Variants in RELL1 observed in about 807,000 individuals in gnomAD.
The protein encoded by RELL1 is RELT like 1, also known as RELT-like protein 1.
RELL1 carries 10 observed loss-of-function variants against 23.0 expected under a neutral mutation model. That is an observed-to-expected ratio of 0.43 (90% CI 0.27 to 0.74). The LOEUF is 0.74. RELL1 is among the 30% of genes least tolerant of loss of function. RELL1 has a pLI of 0.19. For missense variants in RELL1, 315 were observed against 364.4 expected (o/e 0.86, Z 1.10); for synonymous variants, 146 against 146.8 (o/e 0.99, Z 0.04).
rs991391704 is a variant in RELL1, at chr4:37,649,564, C to T, written c.89-64G>A. On this transcript the variant is annotated intron_variant, in intron 1 of 6. Transcript: ENST00000454158. The stretch of plus-strand genomic sequence containing the variant: ...CCAGGGCAAGAAAAACCTAATGACT[C>T]TCAGGTAATGTTCACAGTAAGTCAG... 1.9e-5 allele frequency: 27 copies of T among 1,422,076 alleles called. No individual in the cohort carries two copies. The African/African-American group carries it at 2.8e-4, about 15-fold the overall frequency. 88.1% of individuals were successfully genotyped at this position (1,422,076 alleles called of 1,614,324 possible). A position where few individuals can be genotyped will look rare whatever the true frequency, so the allele number is the denominator to read the frequency against.
chr4:37,602,730 T>C (rs193065591), intron 6 of RELL1, among the ~76,000 whole-genome samples: 19 of 152,308 alleles, frequency 1.2e-4, no homozygotes, highest in African/African-American at 4.3e-4. Context: ...ACAGATGGCA[T>C]TGAGGCTCAG....
In RELL1 at chr4:37,649,298, T is replaced by A; in HGVS notation, c.291A>T (p.Glu97Asp). 6.2e-7 allele frequency: 1 copy of A among 1,614,180 alleles called. No individual in the cohort carries two copies. The highest frequency in any genetic ancestry group is 8.5e-7 in the Non-Finnish European group (1 of 1,180,010). The change falls in exon 2 of 7, where the codon GAA becomes GAT. Residue 97 changes from glutamate to aspartate, a missense_variant. Glu to Asp is a conservative substitution (Grantham distance 45). Coordinates refer to ENST00000454158, the MANE Select transcript of RELL1 (RefSeq NM_001085400.2). ...RCTTEAEQDI[E>D]EEKVEKIELN... ...TACCTATCTTTTCAACCTTTTCCTC[T>A]TCGATATCTTGCTCTGCTTCTGTTG... is the stretch of plus-strand genomic sequence containing the variant.
At chr4:37,685,361 T>A (rs561543650) in intron 1 of RELL1, among the ~76,000 whole-genome samples, 5 of 152,016 alleles carry the variant, frequency 3.3e-5, no homozygotes, top group African/African-American at 1.2e-4. Context: ...ACTGCAGCTG[T>A]TAGGTGGCAA....
chr4:37,652,140 C>T (rs1427678881), intron 1 of RELL1, among the ~76,000 whole-genome samples: 2 of 152,148 alleles, frequency 1.3e-5, no homozygotes, highest in Non-Finnish European at 2.9e-5. Flanking sequence ...CAGCAGCAAA[C>T]AAACAATATC....
intron 6 of RELL1, among the ~76,000 whole-genome samples, chr4:37,593,269 T>A (rs958581175): frequency 1.3e-5 from 2 of 152,200 alleles, no homozygotes; most frequent in South Asian, 4.1e-4. Flanking sequence ...TATTTACCTC[T>A]TATGTAAAAG....
At chr4:37,613,466 T>TCCCAC (rs1401854432) in intron 6 of RELL1, 124 bp from the exon 7 acceptor site, 2 of 149,286 alleles carry the variant, frequency 1.3e-5, no homozygotes, top group African/African-American at 2.4e-5. Flanking sequence ...TCCCATCCCA[T>TCCCAC]CCCACCCCAT....
At chr4:37,679,289 A>T (rs1722125539) in intron 1 of RELL1, among the ~76,000 whole-genome samples, 1 of 152,212 alleles carries the variant, frequency 6.6e-6, no homozygotes, top group Non-Finnish European at 1.5e-5. Flanking sequence ...ACTTGGAATA[A>T]ACAAAATCTT....
chr4:37,604,868 C>CACACACAG lies in RELL1; in HGVS notation c.*4-13652_*4-13651insCTGTGTGT, dbSNP rs1719134648. 1.4e-3 allele frequency among the ~76,000 whole-genome samples: 125 copies of CACACACAG among 87,528 alleles called. 3 individuals are homozygous for CACACACAG. The highest frequency in any genetic ancestry group is 8.7e-3 in the African/African-American group (115 of 13,248). 57.4% of individuals were successfully genotyped at this position (87,528 alleles called of 152,430 possible). A position where few individuals can be genotyped will look rare whatever the true frequency, so the allele number is the denominator to read the frequency against. ...ACACACACAGACACACACACACAGA[C>CACACACAG]ACACACACACATACACACAGACACA... is the stretch of plus-strand genomic sequence containing the variant. On this transcript the variant is annotated intron_variant, in intron 6 of 6. Coordinates refer to the RELL1 transcript ENST00000314117.
In RELL1 at chr4:37,612,335, A is replaced by C. The variant is rs1346123914; in HGVS notation, c.*1011T>G. On this transcript the variant is annotated 3_prime_UTR_variant, in exon 7 of 7. Transcript: ENST00000454158. ...TCAGCTAAAGGTTAAAAAAAAAAAA[A>C]AAACAAAAAAAAACAAAAAACCGGG... Among the ~76,000 whole-genome samples, 44 of 24,576 alleles carry C rather than the reference A, an allele frequency of 1.8e-3. No individual in the cohort carries two copies. Among genetic ancestry groups the C allele is most frequent in the Non-Finnish European group, 4.1e-3 (21 of 5,062 alleles). The allele number at this position is 24,576 out of a possible 152,430, so 16.1% of individuals were successfully genotyped here. A position where few individuals can be genotyped will look rare whatever the true frequency, so the allele number is the denominator to read the frequency against.
At chr4:37,661,679 C>A (rs1250295919) in intron 1 of RELL1, among the ~76,000 whole-genome samples, 1 of 152,202 alleles carries the variant, frequency 6.6e-6, no homozygotes, top group Non-Finnish European at 1.5e-5. Context: ...CCAAATTATT[C>A]CTATTTGGTT....
intron 6 of RELL1, among the ~76,000 whole-genome samples, chr4:37,621,413 G>A (rs759458708): frequency 5.3e-5 from 8 of 151,860 alleles, no homozygotes; most frequent in Admixed American, 2.6e-4. Context: ...CCAAGATCGC[G>A]CCACTGCACT....
At chr4:37,662,150 A>G (rs1721378798) in intron 1 of RELL1, among the ~76,000 whole-genome samples, 2 of 152,214 alleles carry the variant, frequency 1.3e-5, no homozygotes, top group Admixed American at 1.3e-4. Context: ...AAGCTCAGAC[A>G]ACTTCCCCAA....
chr4:37,664,204 C>T (rs1426238233), intron 1 of RELL1, among the ~76,000 whole-genome samples: 13 of 151,894 alleles, frequency 8.6e-5, no homozygotes, highest in Non-Finnish European at 1.9e-4. Context: ...GGTGAAACCC[C>T]GTCTCTACTA....
chr4:37,635,534 G>A (rs114896834), intron 4 of RELL1, among the ~76,000 whole-genome samples: 7,882 of 152,210 alleles, frequency 0.052, 292 homozygotes, highest in Middle Eastern at 0.099. Flanking sequence ...GGCAGTGGTG[G>A]GAGGATCACT....
intron 6 of RELL1, among the ~76,000 whole-genome samples, chr4:37,626,262 G>A (rs1719940081): frequency 6.6e-6 from 1 of 152,256 alleles, no homozygotes; most frequent in East Asian, 1.9e-4. Context: ...TGGATCACTT[G>A]AGATCAGGAG....
chr4:37,677,993 G>A (rs1722074491), intron 1 of RELL1, among the ~76,000 whole-genome samples: 1 of 152,118 alleles, frequency 6.6e-6, no homozygotes, highest in Admixed American at 6.5e-5. Context: ...AGAAATACCT[G>A]AGACTGAGTA....
intron 1 of RELL1, among the ~76,000 whole-genome samples, chr4:37,652,587 G>C (rs375519598): frequency 6.6e-6 from 1 of 152,116 alleles, no homozygotes; most frequent in African/African-American, 2.4e-5. Flanking sequence ...TCAATCTGGG[G>C]GTGAAAATAA....
chr4:37,660,293 C>A (rs539836394), intron 1 of RELL1, among the ~76,000 whole-genome samples: 1 of 151,850 alleles, frequency 6.6e-6, no homozygotes, highest in Non-Finnish European at 1.5e-5. Context: ...TAAAAAATTA[C>A]AAGCAGGAGC....
At chr4:37,592,353 GA>G (rs11403816) in intron 6 of RELL1, among the ~76,000 whole-genome samples, 1,918 of 108,150 alleles carry the variant, frequency 0.018, 54 homozygotes, top group African/African-American at 0.052. Context: ...CCATCTCTAT[GA>G]AAAAAAAAAA....
Sources: allele counts gnomAD v4.1 joint callset (sites outside exome capture counted in the v4.1 genomes callset), GRCh38; gene constraint gnomAD v4.1.1; transcripts MANE v1.5; gene names NCBI Gene and HGNC (gene_info 2026-07-23, HGNC 2026-07-21).